The following UBR4 variants were observed in gnomAD, a reference collection of about 807,000 sequenced individuals.
UBR4 encodes the protein ubiquitin protein ligase E3 component n-recognin 4.
UBR4 carries 124 observed loss-of-function variants against 575.6 expected under a neutral mutation model. That is an observed-to-expected ratio of 0.22 (90% CI 0.19 to 0.25). The LOEUF is 0.25. Among genes scored for constraint, UBR4 ranks in the 10% least tolerant of loss-of-function variants. The pLI is 1.00. For synonymous variants in UBR4, 2,455 were observed against 2,473.7 expected, an observed-to-expected ratio of 0.99 and a Z score of 0.22; for missense variants, 4,818 against 6,478.8, an observed-to-expected ratio of 0.74 and a Z score of 8.80.
chr1:19,092,321 ATTAAAACT>A (rs2077601305), intron 97 of UBR4, among the ~76,000 whole-genome samples: 1 of 152,080 alleles, frequency 6.6e-6, no homozygotes, highest in East Asian at 1.9e-4. Context: ...TAATCTCCAA[ATTAAAACT>A]TTGATTTAAA....
chr1:19,186,445 CT>C, intron 14 of UBR4, 94 bp downstream of exon 14: 1 of 1,125,462 alleles, frequency 8.9e-7, no homozygotes, highest in Non-Finnish European at 1.2e-6. Context: ...AAAATGGAAA[CT>C]TTTGTTTGGT....
rs762222912 is a variant in UBR4 at position 19,164,844 on chromosome 1, C to T, written c.4466G>A (p.Arg1489Gln). Residue 1489 changes from arginine to glutamine, a missense_variant, in exon 32 of 106, where the codon CGG becomes CAG. Arg to Gln is a conservative substitution (Grantham distance 43). This residue lies in a region of UBR4 where 1,172 missense variants were observed against 1,259.7 expected (regional missense o/e 0.93). Transcript: ENST00000375254. The part of the protein sequence containing the change: ...SDQLDVIQEN[R>Q]QLLQLLTTYI... The stretch of plus-strand genomic sequence containing the variant: ...TGTGGTCAGTAACTGCAGCAGCTGC[C>T]GGTTCTCCTGAATTACATCCAGCTG... 11 of 1,614,152 alleles carry T rather than the reference C, an allele frequency of 6.8e-6. No homozygotes were observed. Among genetic ancestry groups the T allele is most frequent in the South Asian group, 2.2e-5 (2 of 91,070 alleles).
In UBR4 at chr1:19,197,765, G is replaced by C. The variant is rs776128400; in HGVS notation, c.798C>G (p.Phe266Leu). The C allele has an allele frequency of 6.2e-7, 1 of 1,614,068 alleles. No individual in the cohort carries two copies. Among genetic ancestry groups the C allele is most frequent in the Non-Finnish European group, 8.5e-7 (1 of 1,180,042 alleles). ...LLRVCLNLPY[F>L]LRYINRFQDA... ...CTTGGAACCGATTGATATAGCGTAG[G>C]AAATATGGCAGGTTCAAACATACAC... Residue 266 changes from phenylalanine to leucine, a missense_variant, in exon 7 of 106, where the codon TTC (phenylalanine) becomes TTG (leucine). By Grantham distance (22) the Phe-to-Leu change is conservative. Coordinates refer to ENST00000375254, the MANE Select transcript of UBR4 (RefSeq NM_020765.3).
intron 73 of UBR4, 84 bp from the exon 74 acceptor site, chr1:19,115,721 A>G: frequency 6.5e-7 from 1 of 1,539,524 alleles, no homozygotes; most frequent in Non-Finnish European, 8.7e-7. Flanking sequence ...AGACTGTCCC[A>G]TGTATTTTTC....
Position 19,210,222 on chromosome 1 carries a change from C to G in UBR4, c.27G>C (p.Ala9=). The G allele has an allele frequency of 7.0e-7, 1 of 1,435,102 alleles. No homozygotes were observed. Among genetic ancestry groups the G allele is most frequent in the East Asian group, 2.9e-5 (1 of 34,670 alleles). 88.9% of individuals were successfully genotyped at this position (1,435,102 alleles called of 1,614,324 possible). A position where few individuals can be genotyped will look rare whatever the true frequency, so the allele number is the denominator to read the frequency against. Residue 9 remains alanine, a synonymous_variant, in exon 1 of 106, where the codon GCG becomes GCC. Coordinates refer to ENST00000375254, the MANE Select transcript of UBR4 (RefSeq NM_020765.3). ...TCCCCGGCGCCGGAGCCGCTGCCGC[C>G]GCCTCTTCGCCGCCGCTCGTCGCCA... MATSGGEE[A]AAAAPAPGTP... is the part of the protein sequence containing the mutation.
At chr1:19,200,215 T>C (rs755415745) in intron 2 of UBR4, among the ~76,000 whole-genome samples, 13 of 152,016 alleles carry the variant, frequency 8.6e-5, no homozygotes, top group Middle Eastern at 3.4e-3. Flanking sequence ...ACTGGAAGAA[T>C]TGTCTTAGGT....
At chr1:19,163,492 A>G (rs1011272851) in intron 34 of UBR4, among the ~76,000 whole-genome samples, 6 of 152,192 alleles carry the variant, frequency 3.9e-5, no homozygotes, top group Non-Finnish European at 8.8e-5. Flanking sequence ...TAACATTCCA[A>G]TATCTTAGGA....
intron 51 of UBR4, 29 bp from the exon 52 acceptor site, chr1:19,147,029 A>G: frequency 6.4e-7 from 1 of 1,553,014 alleles, no homozygotes; most frequent in Non-Finnish European, 8.7e-7. Context: ...ACAGAGGGTC[A>G]GCCATAAGCA....
At chr1:19,082,380 C>T (rs2076604954) in intron 102 of UBR4, 1 of 152,468 alleles carries the variant, frequency 6.6e-6, no homozygotes, top group South Asian at 2.1e-4. Context: ...GCCCAAGTCT[C>T]ACATCGTGGA....
chr1:19,204,866 T>C (rs1038727979), intron 1 of UBR4, among the ~76,000 whole-genome samples: 3 of 152,162 alleles, frequency 2.0e-5, no homozygotes, highest in African/African-American at 7.2e-5. Context: ...AATAGGGATG[T>C]GCTGCCATAA....
In UBR4 at chr1:19,157,989, G is replaced by C. The variant is rs772326743; in HGVS notation, c.5586C>G (p.Thr1862=). Residue 1862 remains threonine (T), a synonymous_variant, in exon 40 of 106, where the codon ACC becomes ACG. Transcript: ENST00000375254. The surrounding 1 kb of genome is among the most constrained non-coding windows in gnomAD (Gnocchi z 4.4). ...CAAAGGCACCTTCCTGGGACCCTAA[G>C]GTGGGAACCTGGCAAAGAAGGAAGC... ...VEMTDQLMVP[T]LGSQEGAFEN... 2 of 1,608,342 alleles carry C rather than the reference G, an allele frequency of 1.2e-6. No homozygotes were observed. The highest frequency in any genetic ancestry group is 1.1e-5 in the South Asian group (1 of 90,910).
In UBR4 at chr1:19,198,630, T is replaced by C. The variant is rs1487290491; in HGVS notation, c.559A>G (p.Lys187Glu). The C allele has an allele frequency of 6.2e-7, 1 of 1,614,188 alleles. No individual in the cohort carries two copies. Among genetic ancestry groups the C allele is most frequent in the Non-Finnish European group, 8.5e-7 (1 of 1,180,014 alleles). The change falls in exon 5 of 106, where the codon AAG (lysine) becomes GAG (glutamate). Residue 187 changes from lysine to glutamate, a missense_variant. Physicochemically the swap from Lys to Glu is moderately conservative, Grantham distance 56. Transcript: ENST00000375254. ...ASPVSPELRQ[K>E]EVQMNFLNQL... ...TTCAAAAAATTCATCTGTACCTCCT[T>C]TTGCCTCAACTCAGGGCTTACTGGT...
chr1:19,143,598 C>T (rs754206828), intron 55 of UBR4, among the ~76,000 whole-genome samples: 1 of 152,162 alleles, frequency 6.6e-6, no homozygotes, highest in Non-Finnish European at 1.5e-5. Context: ...GCTTCTATCC[C>T]AAGAAAAGTT....
At chr1:19,080,982 G>A (rs2148531454) in intron 103 of UBR4, 1 of 190,202 alleles carries the variant, frequency 5.3e-6, no homozygotes, top group Non-Finnish European at 1.1e-5. Flanking sequence ...ACCCCATGTG[G>A]CCACACTGAA....
rs2085986748 is a variant in UBR4, at chr1:19,153,271, C to T, written c.6832+30G>A. On this transcript the variant is annotated intron_variant, in intron 46 of 105. Coordinates refer to ENST00000375254, the MANE Select transcript of UBR4 (RefSeq NM_020765.3). The surrounding 1 kb of genome is among the most constrained non-coding windows in gnomAD (Gnocchi z 4.1). The stretch of plus-strand genomic sequence containing the variant: ...GTCTAGAAGACCACCATTCCTACTC[C>T]CCCACAAGTCATCTGAGAAGGAGCC... The T allele has an allele frequency of 6.2e-7, 1 of 1,611,626 alleles. No individual in the cohort carries two copies. The highest frequency in any genetic ancestry group is 8.5e-7 in the Non-Finnish European group (1 of 1,177,926).
At position 19,151,757 on chromosome 1, in the gene UBR4, A is replaced by T. The variant is rs1187098973; in HGVS notation, c.7099T>A (p.Tyr2367Asn). 2.5e-6 allele frequency: 4 copies of T among 1,614,182 alleles called. No homozygotes were observed. In the South Asian group the frequency reaches 4.4e-5, roughly 18 times the overall value. The change falls in exon 48 of 106, where the codon TAT (tyrosine) becomes AAT (asparagine). Residue 2367 changes from tyrosine (Y) to asparagine (N), a missense_variant. Coordinates refer to ENST00000375254, the MANE Select transcript of UBR4 (RefSeq NM_020765.3). Reference sequence around the variant, plus strand: ...ATAGTTCTGCCGAAGATCTCGATATATGACGGGGCCCGTTCTATTGCTTGA... The same window carrying T: ...ATAGTTCTGCCGAAGATCTCGATATTTGACGGGGCCCGTTCTATTGCTTGA... ...GTQAIERAPSYIEIFGRTMQL... is the reference protein window; with the variant it reads ...GTQAIERAPSNIEIFGRTMQL...
chr1:19,121,466 G>A (rs1289107242), intron 67 of UBR4, 32 bp from the exon 68 acceptor site: 5 of 1,598,332 alleles, frequency 3.1e-6, no homozygotes, highest in Non-Finnish European at 4.3e-6. Flanking sequence ...GCTCACCTCT[G>A]AGACGACCTC....
At chr1:19,204,835 A>C (rs1201949013) in intron 1 of UBR4, among the ~76,000 whole-genome samples, 1 of 152,204 alleles carries the variant, frequency 6.6e-6, no homozygotes, top group Non-Finnish European at 1.5e-5. Flanking sequence ...ATTTTAAAGA[A>C]ACAGTGTGCA....
At chr1:19,086,652 A>G (rs1218024008) in intron 100 of UBR4, 27 bp downstream of exon 100, 1 of 1,611,386 alleles carries the variant, frequency 6.2e-7, no homozygotes, top group South Asian at 1.1e-5. Flanking sequence ...CTACTGAAGG[A>G]GCCATTCCGC....
Sources: allele counts gnomAD v4.1 joint callset (sites outside exome capture counted in the v4.1 genomes callset), GRCh38; gene constraint gnomAD v4.1.1; regional missense constraint gnomAD v4.1.1; non-coding constraint Gnocchi (gnomAD v3.1); transcripts MANE v1.5; gene names NCBI Gene and HGNC (gene_info 2026-07-23, HGNC 2026-07-21).